The following TMPRSS11D variants were observed in gnomAD, a reference collection of about 807,000 sequenced individuals.
TMPRSS11D encodes transmembrane protease serine 11D.
TMPRSS11D carries 32 observed loss-of-function variants against 44.4 expected under a neutral mutation model. That is an observed-to-expected ratio of 0.72 (90% CI 0.54 to 0.97). The LOEUF (loss-of-function observed/expected upper bound fraction) is 0.97. TMPRSS11D is among the 50% of genes least tolerant of loss of function. The probability of loss-of-function intolerance (pLI) is 0.00; values close to 1 mark genes in which losing one functional copy is unlikely to be tolerated. For synonymous variants in TMPRSS11D, 179 were observed against 177.9 expected, an observed-to-expected ratio of 1.01 and a Z score of -0.05; for missense variants, 446 against 502.6, an observed-to-expected ratio of 0.89 and a Z score of 1.08.
intron 1 of TMPRSS11D, among the ~76,000 whole-genome samples, chr4:67,871,298 A>G (rs910606986): frequency 1.3e-5 from 2 of 152,118 alleles, no homozygotes; most frequent in East Asian, 1.9e-4. Flanking sequence ...CTGCACTCAT[A>G]ATTTGCAAGG....
At chr4:67,846,087 GTTACAACTTTCTC>G (rs1250614166) in intron 3 of TMPRSS11D, among the ~76,000 whole-genome samples, 2 of 152,060 alleles carry the variant, frequency 1.3e-5, no homozygotes, top group African/African-American at 4.8e-5. Flanking sequence ...TCACTCTTCT[GTTACAACTTTCTC>G]TTTCGTTTCA....
At chr4:67,856,794 A>G (rs1395451563) in intron 2 of TMPRSS11D, among the ~76,000 whole-genome samples, 1 of 152,126 alleles carries the variant, frequency 6.6e-6, no homozygotes, top group Non-Finnish European at 1.5e-5. Context: ...CTAAAAAAAA[A>G]TAAAAATTCC....
chr4:67,846,834 T>C (rs1324069969), intron 3 of TMPRSS11D, among the ~76,000 whole-genome samples: 2 of 152,164 alleles, frequency 1.3e-5, no homozygotes, highest in African/African-American at 4.8e-5. Flanking sequence ...GGAAACTCAA[T>C]CACCTAATGA....
rs145419794 is a variant in TMPRSS11D at position 67,831,508 on chromosome 4, T to C, written c.692+1696A>G. ...ATATTTATAACTGTGGCTTTCATTA[T>C]AGTGATATCGTTTACTTGGTTTTTG... On this transcript the variant is annotated intron_variant, in intron 7 of 9. Transcript: ENST00000283916. 1.5e-3 allele frequency among the ~76,000 whole-genome samples: 224 copies of C among 152,236 alleles called. 4 individuals carry two copies. In the East Asian group the frequency reaches 0.038, roughly 26 times the overall value.
At chr4:67,862,216 C>T (rs948004733) in intron 1 of TMPRSS11D, among the ~76,000 whole-genome samples, 1 of 152,032 alleles carries the variant, frequency 6.6e-6, no homozygotes, top group Non-Finnish European at 1.5e-5. Flanking sequence ...TGTACAAGTA[C>T]GTTGTCAATC....
intron 3 of TMPRSS11D, among the ~76,000 whole-genome samples, chr4:67,851,203 C>T (rs1481520995): frequency 3.3e-5 from 5 of 152,166 alleles, no homozygotes; most frequent in Non-Finnish European, 7.3e-5. Flanking sequence ...GCAGCCATTC[C>T]GTTCCCTCTG....
chr4:67,877,166 T>A (rs1462315477), intron 1 of TMPRSS11D, among the ~76,000 whole-genome samples: 3 of 152,186 alleles, frequency 2.0e-5, no homozygotes, highest in Admixed American at 6.5e-5. Flanking sequence ...AAATTTTTTT[T>A]TAAATCTTTT....
At chr4:67,846,217 A>G (rs745641555) in intron 3 of TMPRSS11D, among the ~76,000 whole-genome samples, 1 of 152,100 alleles carries the variant, frequency 6.6e-6, no homozygotes, top group Non-Finnish European at 1.5e-5. Flanking sequence ...ATGTGCTCCT[A>G]TGGGTGAAAC....
intron 3 of TMPRSS11D, 113 bp from the exon 4 acceptor site, chr4:67,842,738 T>C: frequency 1.0e-6 from 1 of 971,924 alleles, no homozygotes; most frequent in Non-Finnish European, 1.6e-6. Context: ...GAATTTTCAC[T>C]TTAGTTCAAC....
chr4:67,833,221 T>G lies in TMPRSS11D; in HGVS notation c.675A>C (p.Ala225=), dbSNP rs765604949. ...GGCCTCACCTTCTGAAGCAGTGAGC[T>G]GCTGTCAGGATCCACATGTTATTGA... ...SLINNMWILT[A]AHCFRSNSNP... is the part of the protein sequence containing the mutation. Residue 225 remains alanine, a synonymous_variant, in exon 7 of 10, where the codon GCA becomes GCC. Transcript: ENST00000283916. The G allele has an allele frequency of 1.6e-5, 24 of 1,526,432 alleles. No homozygotes were observed. In the African/African-American group the frequency reaches 3.0e-4, roughly 19 times the overall value. The allele number at this position is 1,526,432 out of a possible 1,614,324, so 94.6% of individuals were successfully genotyped here.
At chr4:67,875,896 T>A (rs1004685234) in intron 1 of TMPRSS11D, among the ~76,000 whole-genome samples, 1 of 152,224 alleles carries the variant, frequency 6.6e-6, no homozygotes, top group African/African-American at 2.4e-5. Flanking sequence ...TATTTAATGA[T>A]CTGTTCATTA....
intron 2 of TMPRSS11D, among the ~76,000 whole-genome samples, chr4:67,855,184 G>T (rs904097160): frequency 1.3e-5 from 2 of 151,340 alleles, no homozygotes; most frequent in African/African-American, 4.9e-5. Context: ...GAACCCGGGA[G>T]GCAGAGGTTA....
chr4:67,823,005 T>G (rs1253024117), intron 9 of TMPRSS11D, among the ~76,000 whole-genome samples: 3 of 152,200 alleles, frequency 2.0e-5, no homozygotes, highest in African/African-American at 7.2e-5. Flanking sequence ...AGCAGCTGCA[T>G]GTCTCTGAAA....
chr4:67,826,226 A>G (rs1165526866), intron 8 of TMPRSS11D, among the ~76,000 whole-genome samples: 1 of 152,152 alleles, frequency 6.6e-6, no homozygotes, highest in Admixed American at 6.6e-5. Flanking sequence ...ACCTAGCAGC[A>G]AAAGAGAAAC....
At chr4:67,836,924 T>C (rs1178814090) in intron 5 of TMPRSS11D, among the ~76,000 whole-genome samples, 5 of 152,174 alleles carry the variant, frequency 3.3e-5, no homozygotes, top group African/African-American at 1.2e-4. Flanking sequence ...CTACCCATAT[T>C]TCAAAGTCAA....
intron 3 of TMPRSS11D, among the ~76,000 whole-genome samples, chr4:67,848,312 G>C (rs1718407774): frequency 6.6e-6 from 1 of 152,180 alleles, no homozygotes; most frequent in Non-Finnish European, 1.5e-5. Flanking sequence ...TGCATTCATA[G>C]TTTTGATACA....
chr4:67,877,447 A>G (rs531876879), intron 1 of TMPRSS11D, among the ~76,000 whole-genome samples: 2 of 152,212 alleles, frequency 1.3e-5, no homozygotes, highest in Non-Finnish European at 2.9e-5. Context: ...TGGGGGATTC[A>G]GAGAGAGATA....
intron 1 of TMPRSS11D, among the ~76,000 whole-genome samples, chr4:67,866,051 A>G (rs1368474190): frequency 6.6e-6 from 1 of 151,982 alleles, no homozygotes; most frequent in Non-Finnish European, 1.5e-5. Flanking sequence ...ACAAGAAGGG[A>G]AAACTGTAGG....
chr4:67,879,353 C>T (rs111887587), intron 1 of TMPRSS11D, among the ~76,000 whole-genome samples: 4 of 151,440 alleles, frequency 2.6e-5, no homozygotes, highest in East Asian at 1.9e-4. Flanking sequence ...CAGTGGTAGG[C>T]GCCTGTAGAC....
Sources: allele counts gnomAD v4.1 joint callset (sites outside exome capture counted in the v4.1 genomes callset), GRCh38; gene constraint gnomAD v4.1.1; transcripts MANE v1.5; gene names NCBI Gene and HGNC (gene_info 2026-07-23, HGNC 2026-07-21).